The following UMAD1 variants were observed in gnomAD, a reference collection of about 807,000 sequenced individuals.
The protein encoded by UMAD1 is UBAP1-MVB12-associated (UMA) domain containing 1, also known as UBAP1-MVB12-associated (UMA)-domain containing protein 1.
Under a neutral mutation model 6.1 loss-of-function variants are expected in UMAD1, and 8 were observed. The observed-to-expected ratio is 1.30, with a 90% CI of 0.76 to 2.35. UMAD1 has a LOEUF of 2.35. UMAD1 is among the 30% of genes most tolerant of loss of function. UMAD1 has a pLI of 0.00. For synonymous variants in UMAD1, 56 were observed against 31.4 expected (o/e 1.78, Z -2.61); for missense variants, 130 against 78.4 (o/e 1.66, Z -2.49).
intron 2 of UMAD1, among the ~76,000 whole-genome samples, chr7:7,749,673 C>T (rs1047791508): frequency 4.6e-5 from 7 of 151,870 alleles, no homozygotes; most frequent in East Asian, 1.9e-4. Flanking sequence ...TAAAACTGGG[C>T]GTTGATATTT....
chr7:7,850,780 A>G (rs1783900481), intron 3 of UMAD1, among the ~76,000 whole-genome samples: 1 of 152,132 alleles, frequency 6.6e-6, no homozygotes, highest in Admixed American at 6.5e-5. Context: ...TACTAGAATA[A>G]TGCTAACGAT....
At chr7:7,690,412 G>C (rs1344631831) in intron 2 of UMAD1, among the ~76,000 whole-genome samples, 1 of 152,012 alleles carries the variant, frequency 6.6e-6, no homozygotes, top group Admixed American at 6.6e-5. Flanking sequence ...TTTTACTGGA[G>C]TTGAACATTA....
At chr7:7,807,876 A>G (rs891510779) in intron 3 of UMAD1, among the ~76,000 whole-genome samples, 2 of 152,060 alleles carry the variant, frequency 1.3e-5, no homozygotes, top group South Asian at 4.1e-4. Flanking sequence ...TCAATAATAA[A>G]TTAATTAATA....
chr7:7,642,216 C>G (rs1297549735), intron 1 of UMAD1, among the ~76,000 whole-genome samples: 2 of 152,136 alleles, frequency 1.3e-5, no homozygotes, highest in Non-Finnish European at 2.9e-5. Flanking sequence ...CTCACTGCAG[C>G]CTTTAACTCG....
At chr7:7,690,697 A>G (rs1016526356) in intron 2 of UMAD1, among the ~76,000 whole-genome samples, 9 of 152,198 alleles carry the variant, frequency 5.9e-5, no homozygotes, top group African/African-American at 2.2e-4. Context: ...TGTTTTTGCT[A>G]AGGAGAGAAA....
At chr7:7,804,960 G>A (rs6958236) in intron 3 of UMAD1, among the ~76,000 whole-genome samples, 149,127 of 152,114 alleles carry the variant, frequency 0.98, 73,119 homozygotes, top group Middle Eastern at 1. Flanking sequence ...CAGCCTGGGC[G>A]ACAGAGCGGA....
intron 2 of UMAD1, among the ~76,000 whole-genome samples, chr7:7,686,861 A>G (rs1211465236): frequency 6.6e-6 from 1 of 152,212 alleles, no homozygotes; most frequent in East Asian, 1.9e-4. Flanking sequence ...TTTTAAAAAC[A>G]CACTGCTGTG....
At chr7:7,741,779 G>T in intron 2 of UMAD1, among the ~76,000 whole-genome samples, 1 of 151,676 alleles carries the variant, frequency 6.6e-6, no homozygotes, top group Non-Finnish European at 1.5e-5. Context: ...AGTATGATAA[G>T]AGCAGAGAAA....
rs1356317258 is a variant in UMAD1, at chr7:7,657,600, A to G, written c.-63-15709A>G. On this transcript the variant is annotated intron_variant, in intron 1 of 3. Coordinates refer to ENST00000682710, the MANE Select transcript of UMAD1 (RefSeq NM_001302348.2). Reference sequence around the variant, plus strand: ...TTCCCCATGCTTGTTTTTTTCAGGTATGTCAAAGATCAGATGGTTGTAGAT... The same window carrying G: ...TTCCCCATGCTTGTTTTTTTCAGGTGTGTCAAAGATCAGATGGTTGTAGAT... Among the ~76,000 whole-genome samples, 3 of 151,996 alleles carry G rather than the reference A, an allele frequency of 2.0e-5. No individual in the cohort carries two copies. In the East Asian group the frequency reaches 5.8e-4, roughly 29 times the overall value.
chr7:7,802,812 A>G (rs1201404693), intron 3 of UMAD1, among the ~76,000 whole-genome samples: 1 of 152,232 alleles, frequency 6.6e-6, no homozygotes, highest in Non-Finnish European at 1.5e-5. Context: ...GATTTGTTAA[A>G]TGAATAAGTC....
chr7:7,808,149 G>A (rs1437167074), intron 3 of UMAD1, among the ~76,000 whole-genome samples: 1 of 151,960 alleles, frequency 6.6e-6, no homozygotes, highest in Non-Finnish European at 1.5e-5. Flanking sequence ...TGAGGGAAGA[G>A]TTACAATTCA....
At chr7:7,823,175 C>T (rs1004481909) in intron 3 of UMAD1, among the ~76,000 whole-genome samples, 2 of 151,788 alleles carry the variant, frequency 1.3e-5, no homozygotes, top group Admixed American at 6.6e-5. Flanking sequence ...CTTCATAATC[C>T]CCTAATATGT....
intron 1 of UMAD1, among the ~76,000 whole-genome samples, chr7:7,645,796 T>G (rs1442566419): frequency 4.0e-5 from 6 of 149,444 alleles, no homozygotes; most frequent in African/African-American, 1.5e-4. Flanking sequence ...TGGATTTGAT[T>G]TGCTGTTGTT....
At chr7:7,774,274 CTG>C (rs372290649) in intron 2 of UMAD1, among the ~76,000 whole-genome samples, 1 of 152,158 alleles carries the variant, frequency 6.6e-6, no homozygotes, top group Non-Finnish European at 1.5e-5. Context: ...AATTAAGAAA[CTG>C]AGGCAGTTTT....
intron 2 of UMAD1, among the ~76,000 whole-genome samples, chr7:7,733,326 A>G (rs915882592): frequency 1.2e-4 from 19 of 152,060 alleles, no homozygotes; most frequent in African/African-American, 4.6e-4. Context: ...TGGGTGCTTC[A>G]CTGATGCATT....
At chr7:7,671,879 T>C (rs781405069) in intron 1 of UMAD1, among the ~76,000 whole-genome samples, 1 of 152,218 alleles carries the variant, frequency 6.6e-6, no homozygotes, top group Non-Finnish European at 1.5e-5. Flanking sequence ...TCCTTTTTTC[T>C]AATTAGAATG....
chr7:7,829,579 GGT>G (rs1783420891), intron 3 of UMAD1, among the ~76,000 whole-genome samples: 1 of 152,068 alleles, frequency 6.6e-6, no homozygotes, highest in Non-Finnish European at 1.5e-5. Context: ...CAGTGCTTTA[GGT>G]CTCATATAAT....
chr7:7,676,668 C>A (rs1228196445), intron 2 of UMAD1, among the ~76,000 whole-genome samples: 1 of 151,790 alleles, frequency 6.6e-6, no homozygotes, highest in Non-Finnish European at 1.5e-5. Context: ...TTTGGCTAAC[C>A]CAAACTTTTT....
At position 7,777,574 on chromosome 7, in the gene UMAD1, A is replaced by AATATATATATATATAT. The variant is rs58039932; in HGVS notation, c.83-24083_83-24068dup. Among the ~76,000 whole-genome samples the AATATATATATATATAT allele has an allele frequency of 5.4e-3, 610 of 113,428 alleles. 5 individuals are homozygous for AATATATATATATATAT. The highest frequency in any genetic ancestry group is 9.3e-3 in the African/African-American group (236 of 25,354). The allele number at this position is 113,428 out of a possible 152,430, so 74.4% of individuals were successfully genotyped here. A position where few individuals can be genotyped will look rare whatever the true frequency, so the allele number is the denominator to read the frequency against. ...ATTTATGTCATTTCATACATGAGCA[A>AATATATATATATATAT]ATATATATATATATATATATATATA... On this transcript the variant is annotated intron_variant, in intron 2 of 3. Transcript: ENST00000682710.
Sources: gnomAD v4.1 joint callset for allele counts (sites outside exome capture counted in the v4.1 genomes callset) on GRCh38, gnomAD v4.1.1 for gene constraint, MANE v1.5 for transcripts, NCBI Gene and HGNC (gene_info 2026-07-23, HGNC 2026-07-21) for gene names.